Variants in ABCG2 observed in about 807,000 individuals in gnomAD.
The protein encoded by ABCG2 is broad substrate specificity ATP-binding cassette transporter ABCG2.
ABCG2 carries 80 observed loss-of-function variants against 73.5 expected under a neutral mutation model. The ratio of observed to expected loss-of-function variants is 1.09; its 90% confidence interval spans 0.91 to 1.31. ABCG2 has a LOEUF of 1.31. Ranked by LOEUF, ABCG2 falls within the 50% of genes most tolerant of loss-of-function variation. The pLI, the probability that ABCG2 is intolerant of heterozygous loss-of-function variation, is 0.00. For missense variants in ABCG2, 796 were observed against 786.2 expected, an observed-to-expected ratio of 1.01 and a Z score of -0.15; for synonymous variants, 269 against 282.4, an observed-to-expected ratio of 0.95 and a Z score of 0.48.
chr4:88,170,834 C>T (rs1241173292), intron 1 of ABCG2, among the ~76,000 whole-genome samples: 1 of 152,170 alleles, frequency 6.6e-6, no homozygotes, highest in Non-Finnish European at 1.5e-5. Flanking sequence ...TTAATCTTAT[C>T]AACCTAAATG....
intron 15 of ABCG2, among the ~76,000 whole-genome samples, chr4:88,093,490 C>T (rs1395558142): frequency 2.5e-5 from 3 of 121,312 alleles, no homozygotes; most frequent in South Asian, 5.7e-4. Context: ...GGTGACAGAG[C>T]GAGACTCCAT....
At chr4:88,189,255 C>A (rs1467547488) in intron 1 of ABCG2, among the ~76,000 whole-genome samples, 2 of 152,042 alleles carry the variant, frequency 1.3e-5, no homozygotes, top group African/African-American at 2.4e-5. Context: ...GTATAAAATG[C>A]AACTAGGCCA....
chr4:88,137,209 T>C (rs997261273), intron 2 of ABCG2, among the ~76,000 whole-genome samples: 5 of 152,110 alleles, frequency 3.3e-5, no homozygotes, highest in Non-Finnish European at 7.4e-5. Context: ...CCTGACTCTA[T>C]ACTGGTGATA....
At chr4:88,100,933 A>ACT (rs1193705751) in intron 11 of ABCG2, among the ~76,000 whole-genome samples, 1 of 152,100 alleles carries the variant, frequency 6.6e-6, no homozygotes, top group Non-Finnish European at 1.5e-5. Flanking sequence ...TTCTGACTGT[A>ACT]CTCAAATCTA....
At chr4:88,161,886 T>A (rs1046874212), upstream of ABCG2, among the ~76,000 whole-genome samples, 25 of 132,522 alleles carry the variant, frequency 1.9e-4, no homozygotes, top group Admixed American at 4.9e-4. Context: ...AGATGATATC[T>A]CATAGTGGTT....
intron 1 of ABCG2, among the ~76,000 whole-genome samples, chr4:88,226,094 T>C (rs1730201697): frequency 6.6e-6 from 1 of 152,188 alleles, no homozygotes; most frequent in African/African-American, 2.4e-5. Context: ...ACCATATCAC[T>C]TAGTTTAAGT....
At chr4:88,211,608 G>C (rs1452948267) in intron 1 of ABCG2, among the ~76,000 whole-genome samples, 1 of 152,020 alleles carries the variant, frequency 6.6e-6, no homozygotes, top group Non-Finnish European at 1.5e-5. Context: ...AAGTAGAGAC[G>C]GGGTTTCACT....
chr4:88,146,842 G>A (rs892817168), intron 1 of ABCG2, among the ~76,000 whole-genome samples: 1 of 147,846 alleles, frequency 6.8e-6, no homozygotes, highest in Admixed American at 6.9e-5. Context: ...CTGGAATCCA[G>A]CCTAAGCAAC....
intron 2 of ABCG2, among the ~76,000 whole-genome samples, chr4:88,139,557 G>A (rs1264887121): frequency 6.6e-6 from 1 of 152,166 alleles, no homozygotes; most frequent in Non-Finnish European, 1.5e-5. Context: ...CCAGCCACAT[G>A]TGGTGCATTT....
At chr4:88,168,293 C>T (rs1168840588) in intron 1 of ABCG2, among the ~76,000 whole-genome samples, 3 of 152,084 alleles carry the variant, frequency 2.0e-5, no homozygotes, top group African/African-American at 4.8e-5. Context: ...TTGAGACCAT[C>T]CTGGCCAACA....
chr4:88,127,031 T>G (rs1033018609), intron 5 of ABCG2, among the ~76,000 whole-genome samples: 5 of 152,196 alleles, frequency 3.3e-5, no homozygotes, highest in Admixed American at 6.5e-5. Context: ...GATAAGCCCC[T>G]TGTCTCAGCC....
chr4:88,132,449 C>A, intron 3 of ABCG2, 127 bp downstream of exon 3: 3 of 981,614 alleles, frequency 3.1e-6, no homozygotes, highest in South Asian at 2.9e-5. Context: ...ATCCACAGCA[C>A]CTAGAACCAG....
chr4:88,155,048 G>C (rs546261062), intron 1 of ABCG2, among the ~76,000 whole-genome samples: 57 of 152,258 alleles, frequency 3.7e-4, no homozygotes, highest in African/African-American at 1.3e-3. Flanking sequence ...TAATGAAAAG[G>C]GTTGGGATGA....
At position 88,225,212 on chromosome 4, in the gene ABCG2, T is replaced by C. The variant is rs1216322174; in HGVS notation, c.-20+5782A>G. On this transcript the variant is annotated intron_variant, in intron 1 of 15. Transcript: ENST00000515655. ...ATTTTGGGCTTCACAGGCTGTATTG[T>C]ATGGGCTGTGTCATGACTCCTCTAC... 2.0e-5 allele frequency among the ~76,000 whole-genome samples: 3 copies of C among 152,228 alleles called. No individual in the cohort carries two copies. The East Asian group carries it at 5.8e-4, about 29-fold the overall frequency.
At chr4:88,106,107 G>A (rs909884270) in intron 10 of ABCG2, among the ~76,000 whole-genome samples, 4 of 152,078 alleles carry the variant, frequency 2.6e-5, no homozygotes, top group Non-Finnish European at 1.5e-5. Context: ...TATATCCGAA[G>A]AATTGAAAGC....
chr4:88,228,347 G>C (rs1730311913), intron 1 of ABCG2, among the ~76,000 whole-genome samples: 1 of 152,146 alleles, frequency 6.6e-6, no homozygotes, highest in African/African-American at 2.4e-5. Context: ...GATGATGGTA[G>C]AAACCAGAAT....
At chr4:88,119,751 CT>C (rs1349141872) in intron 6 of ABCG2, among the ~76,000 whole-genome samples, 2 of 152,052 alleles carry the variant, frequency 1.3e-5, no homozygotes, top group African/African-American at 4.8e-5. Flanking sequence ...GACTCGGGTG[CT>C]GTTAAAAGCA....
At position 88,118,261 on chromosome 4, in the gene ABCG2, C is replaced by T. The variant is rs573803020; in HGVS notation, c.690-1G>A. 8 of 1,613,566 alleles carry T rather than the reference C, an allele frequency of 5.0e-6. No homozygotes were observed. Among genetic ancestry groups the T allele is most frequent in the Admixed American group, 1.7e-5 (1 of 59,964 alleles). On this transcript the variant is annotated splice_acceptor_variant, in intron 6 of 15. Transcript: ENST00000237612. LOFTEE classifies it high-confidence loss of function. Reference sequence around the variant, plus strand: ...GATTGTTCGTCCCTGCTTAGACATCCTAAGTTAAAAGTGAGACAATACTAA... The same window carrying T: ...GATTGTTCGTCCCTGCTTAGACATCTTAAGTTAAAAGTGAGACAATACTAA...
chr4:88,145,561 A>T (rs1026036296), intron 1 of ABCG2, among the ~76,000 whole-genome samples: 2 of 152,118 alleles, frequency 1.3e-5, no homozygotes, highest in Admixed American at 6.5e-5. Context: ...AGACCCCATC[A>T]CCAAAGGGCT....
Sources: gnomAD v4.1 joint callset for allele counts (sites outside exome capture counted in the v4.1 genomes callset) on GRCh38, gnomAD v4.1.1 for gene constraint, MANE v1.5 for transcripts, NCBI Gene and HGNC (gene_info 2026-07-23, HGNC 2026-07-21) for gene names.